RHOBTB2: variants seen among roughly 807,000 people sequenced by gnomAD.
The protein encoded by RHOBTB2 is Rho related BTB domain containing 2.
In RHOBTB2, 39 loss-of-function variants were observed where a neutral mutation model predicts 66.5. The ratio of observed to expected loss-of-function variants is 0.59; its 90% CI spans 0.45 to 0.77. The LOEUF (loss-of-function observed/expected upper bound fraction) is 0.77, where lower values mean the gene tolerates loss of function less well. Among genes scored for constraint, RHOBTB2 ranks in the 30% least tolerant of loss-of-function variants. The probability of loss-of-function intolerance (pLI) is 0.00; values close to 1 mark genes in which losing one functional copy is unlikely to be tolerated. For synonymous variants in RHOBTB2, 390 were observed against 395.0 expected (o/e 0.99, Z 0.15); for missense variants, 755 against 999.1 (o/e 0.76, Z 3.29).
chr8:22,953,963 G>C, the RHOBTB2 span, among the ~76,000 whole-genome samples: 1 of 152,190 alleles, frequency 6.6e-6, no homozygotes, highest in Non-Finnish European at 1.5e-5. Flanking sequence ...CTTGTAAATC[G>C]TATCCTATTG....
chr8:23,011,538 G>T (rs775315026), intron 7 of RHOBTB2, among the ~76,000 whole-genome samples: 1 of 152,178 alleles, frequency 6.6e-6, no homozygotes, highest in Non-Finnish European at 1.5e-5. Context: ...TCAGCTTTTA[G>T]TGTGGACAAA....
In RHOBTB2 at chr8:23,006,474, C is replaced by T; in HGVS notation, c.483-254C>T. The T allele has an allele frequency of 5.3e-6, 3 of 563,314 alleles. No individual in the cohort carries two copies. The highest frequency in any genetic ancestry group is 9.4e-6 in the Non-Finnish European group (3 of 318,100). The allele number at this position is 563,314 out of a possible 1,614,324, so 34.9% of individuals were successfully genotyped here. A position where few individuals can be genotyped will look rare whatever the true frequency, so the allele number is the denominator to read the frequency against. On this transcript the variant is annotated intron_variant, in intron 4 of 9. Transcript: ENST00000251822. The surrounding 1 kb of genome is among the most constrained non-coding windows in gnomAD (Gnocchi z 6.1). Reference sequence around the variant, plus strand: ...ATGTGAAGCATTGCCTGCTAATTGCCAGAGAGGCAGTGCTGTCACGGCTTT... The same window carrying T: ...ATGTGAAGCATTGCCTGCTAATTGCTAGAGAGGCAGTGCTGTCACGGCTTT...
chr8:23,009,678 C>T (rs1811078491), intron 6 of RHOBTB2, among the ~76,000 whole-genome samples: 1 of 152,152 alleles, frequency 6.6e-6, no homozygotes, highest in Non-Finnish European at 1.5e-5. Flanking sequence ...GCATCGCATC[C>T]CGTGATGTGG....
chr8:22,971,437 G>A, the RHOBTB2 span, among the ~76,000 whole-genome samples: 2 of 151,238 alleles, frequency 1.3e-5, no homozygotes, highest in Non-Finnish European at 2.9e-5. Flanking sequence ...CTTACATCTC[G>A]ACCTCCCAAA....
intron 1 of RHOBTB2, among the ~76,000 whole-genome samples, chr8:22,988,532 G>A (rs1810344705): frequency 6.6e-6 from 1 of 152,042 alleles, no homozygotes; most frequent in Non-Finnish European, 1.5e-5. Flanking sequence ...CCAACTCTGG[G>A]AGCTCCCCAT....
At chr8:22,959,315 C>T in the RHOBTB2 span, among the ~76,000 whole-genome samples, 4 of 152,266 alleles carry the variant, frequency 2.6e-5, no homozygotes, top group African/African-American at 7.2e-5. Context: ...GGTGCGATCT[C>T]GGCTTACTGC....
chr8:22,961,610 C>T, the RHOBTB2 span, among the ~76,000 whole-genome samples: 2 of 152,168 alleles, frequency 1.3e-5, no homozygotes, highest in Non-Finnish European at 2.9e-5. Context: ...CCAGACATCA[C>T]TGAAACGATA....
chr8:22,973,277 G>C, the RHOBTB2 span, among the ~76,000 whole-genome samples: 1 of 152,198 alleles, frequency 6.6e-6, no homozygotes, highest in East Asian at 1.9e-4. Flanking sequence ...TGCCCAAGCT[G>C]GAGTGCAGTG....
the RHOBTB2 span, among the ~76,000 whole-genome samples, chr8:22,982,096 T>C: frequency 6.6e-6 from 1 of 152,222 alleles, no homozygotes. Context: ...CTTGCTCCAG[T>C]GACCTCTGGC....
chr8:22,988,391 A>ACC (rs1810339771), intron 1 of RHOBTB2, among the ~76,000 whole-genome samples: 1 of 151,472 alleles, frequency 6.6e-6, no homozygotes, highest in Non-Finnish European at 1.5e-5. Flanking sequence ...CGAACTCCTG[A>ACC]CCTCAAGTGA....
upstream of RHOBTB2, among the ~76,000 whole-genome samples, chr8:22,983,409 G>C (rs1034154780): frequency 2.0e-5 from 3 of 151,452 alleles, no homozygotes; most frequent in African/African-American, 7.3e-5. Context: ...TTAGCACTTT[G>C]GGAAGCTGAG....
In RHOBTB2 at chr8:23,019,342, A is replaced by ACTGTGGCTGCCTCCCCTCCACGG. The variant is rs1347437344; in HGVS notation, c.*1875_*1897dup. 61 of 153,048 alleles carry ACTGTGGCTGCCTCCCCTCCACGG rather than the reference A, an allele frequency of 4.0e-4. No individual in the cohort carries two copies. Among genetic ancestry groups the ACTGTGGCTGCCTCCCCTCCACGG allele is most frequent in the African/African-American group, 1.4e-3 (59 of 41,588 alleles). The allele number at this position is 153,048 out of a possible 1,614,324, so 9.5% of individuals were successfully genotyped here. A position where few individuals can be genotyped will look rare whatever the true frequency, so the allele number is the denominator to read the frequency against. On this transcript the variant is annotated 3_prime_UTR_variant, in exon 10 of 10. Coordinates refer to ENST00000251822, the MANE Select transcript of RHOBTB2 (RefSeq NM_015178.3). ...TTGTCCAGGCCCAGGCCCCTCCAGGACTGTGGCTGCCTCCCCTCCACGGCC... is the reference window on the plus strand; with the variant it reads ...TTGTCCAGGCCCAGGCCCCTCCAGGACTGTGGCTGCCTCCCCTCCACGGCTGTGGCTGCCTCCCCTCCACGGCC...
At chr8:22,961,398 T>A in the RHOBTB2 span, among the ~76,000 whole-genome samples, 1 of 152,166 alleles carries the variant, frequency 6.6e-6, no homozygotes. Flanking sequence ...TCTTCTATTT[T>A]CCTTCTATAA....
intron 3 of RHOBTB2, 119 bp from the exon 4 acceptor site, chr8:23,005,841 C>T (rs147494817): frequency 5.8e-6 from 5 of 861,988 alleles, no homozygotes; most frequent in East Asian, 2.4e-5. Context: ...GTCAAGAGCA[C>T]GTGAGCAGAT....
chr8:23,005,642 G>A (rs1020919397), intron 3 of RHOBTB2, among the ~76,000 whole-genome samples, 167 bp downstream of exon 3: 4 of 152,208 alleles, frequency 2.6e-5, no homozygotes, highest in African/African-American at 9.6e-5. Flanking sequence ...AGTGAAGGGA[G>A]CCTGGGTCCG....
intron 2 of RHOBTB2, among the ~76,000 whole-genome samples, chr8:22,992,542 G>A (rs1810450744): frequency 6.6e-6 from 1 of 152,088 alleles, no homozygotes; most frequent in Non-Finnish European, 1.5e-5. Flanking sequence ...TCTCCCTCTT[G>A]TACCCTCTCT....
the RHOBTB2 span, among the ~76,000 whole-genome samples, chr8:22,953,001 T>C: frequency 1.3e-5 from 2 of 152,190 alleles, no homozygotes; most frequent in Non-Finnish European, 2.9e-5. Flanking sequence ...TGGTATGGCC[T>C]TTGACTTGGG....
In RHOBTB2 at chr8:23,007,301, T is replaced by G. The variant is rs1438658526; in HGVS notation, c.1056T>G (p.Asp352Glu). Residue 352 changes from aspartate (D) to glutamate (E), a missense_variant, in exon 5 of 10, where the codon GAT becomes GAG. By Grantham distance (45) the Asp-to-Glu change is conservative (BLOSUM62 2). Around this residue, in one of 7 missense-constraint regions of RHOBTB2, gnomAD observed 247 missense variants for 238.9 expected, o/e 1.03. Coordinates refer to ENST00000251822, the MANE Select transcript of RHOBTB2 (RefSeq NM_015178.3). ...GCTTTGACGTGTGCGAGAGCGTGGA[T>G]GAGGCTGGGGGCTCCGGTCCTGCTG... ...AASFDVCESV[D>E]EAGGSGPAGL... The G allele has an allele frequency of 2.5e-6, 4 of 1,613,624 alleles. No individual in the cohort carries two copies. Among genetic ancestry groups the G allele is most frequent in the Non-Finnish European group, 2.5e-6 (3 of 1,179,940 alleles).
Position 23,007,199 on chromosome 8 carries a change from C to A in RHOBTB2, c.954C>A (p.Asp318Glu). ...PSEPGGTHPE[D>E]HQGHSDQHHH... ...AGCCAGGGGGCACCCACCCAGAGGA[C>A]CACCAGGGCCACTCTGATCAACACC... Residue 318 changes from aspartate (D) to glutamate (E), a missense_variant, in exon 5 of 10, where the codon GAC becomes GAA. Around this residue, in one of 7 missense-constraint regions of RHOBTB2, gnomAD observed 247 missense variants for 238.9 expected, o/e 1.03. Coordinates refer to ENST00000251822, the MANE Select transcript of RHOBTB2 (RefSeq NM_015178.3). 6.2e-7 allele frequency: 1 copy of A among 1,604,642 alleles called. No individual in the cohort carries two copies. Among genetic ancestry groups the A allele is most frequent in the Middle Eastern group, 1.7e-4 (1 of 6,044 alleles).
Sources: gnomAD v4.1 joint callset for allele counts (sites outside exome capture counted in the v4.1 genomes callset) on GRCh38, gnomAD v4.1.1 for gene constraint, gnomAD v4.1.1 regional missense constraint, Gnocchi (gnomAD v3.1) non-coding constraint, MANE v1.5 for transcripts, NCBI Gene and HGNC (gene_info 2026-07-23, HGNC 2026-07-21) for gene names.